The following WDR49 variants were observed in gnomAD, a reference collection of about 807,000 sequenced individuals.
The protein encoded by WDR49 is cilia- and flagella-associated protein 337.
In WDR49, 107 loss-of-function variants were observed where a neutral mutation model predicts 119.5. That is an observed-to-expected ratio of 0.90 (90% CI 0.77 to 1.05). The LOEUF (loss-of-function observed/expected upper bound fraction) is 1.05. WDR49 is among the 50% of genes least tolerant of loss of function. The pLI is 0.00. For synonymous variants in WDR49, 425 were observed against 418.8 expected, an observed-to-expected ratio of 1.01 and a Z score of -0.18; for missense variants, 1,240 against 1,220.5, an observed-to-expected ratio of 1.02 and a Z score of -0.24.
intron 10 of WDR49, among the ~76,000 whole-genome samples, chr3:167,538,324 A>G (rs1235323810): frequency 6.6e-6 from 1 of 152,088 alleles, no homozygotes; most frequent in East Asian, 1.9e-4. Flanking sequence ...GCAATTCCCA[A>G]ATATGGTTAA....
intron 2 of WDR49, among the ~76,000 whole-genome samples, chr3:167,630,866 C>A (rs1182913462): frequency 6.6e-6 from 1 of 152,062 alleles, no homozygotes; most frequent in Non-Finnish European, 1.5e-5. Context: ...CAATTAAATT[C>A]ATAGTCAACA....
At chr3:167,548,991 C>T (rs1463708627) in intron 10 of WDR49, among the ~76,000 whole-genome samples, 1 of 152,088 alleles carries the variant, frequency 6.6e-6, no homozygotes, top group African/African-American at 2.4e-5. Context: ...TGGTTTCCAG[C>T]TTCATCCATG....
At chr3:167,535,128 T>C (rs1456741714) in intron 11 of WDR49, among the ~76,000 whole-genome samples, 2 of 152,266 alleles carry the variant, frequency 1.3e-5, no homozygotes, top group African/African-American at 2.4e-5. Context: ...AACTTGCTCA[T>C]TATCAAGTTG....
chr3:167,491,296 A>G (rs6804270), intron 18 of WDR49, among the ~76,000 whole-genome samples: 23,345 of 152,102 alleles, frequency 0.15, 2,357 homozygotes, highest in African/African-American at 0.29. Context: ...GGCGATGCTG[A>G]ACTTTACCTC....
At chr3:167,539,712 G>A (rs1711670011) in intron 10 of WDR49, among the ~76,000 whole-genome samples, 1 of 152,002 alleles carries the variant, frequency 6.6e-6, no homozygotes, top group Non-Finnish European at 1.5e-5. Context: ...ACCTACTCAG[G>A]CAAGCCTTCC....
At chr3:167,568,583 G>T (rs1193041837) in intron 8 of WDR49, among the ~76,000 whole-genome samples, 1 of 151,984 alleles carries the variant, frequency 6.6e-6, no homozygotes, top group Non-Finnish European at 1.5e-5. Context: ...TATTGAAATG[G>T]CAAGCAACCA....
intron 2 of WDR49, among the ~76,000 whole-genome samples, chr3:167,642,711 T>A (rs1015684326): frequency 6.6e-6 from 1 of 151,932 alleles, no homozygotes; most frequent in African/African-American, 2.4e-5. Flanking sequence ...TAAATGGAAC[T>A]GGGGATCCCT....
chr3:167,594,784 A>G (rs1364619586), intron 7 of WDR49, among the ~76,000 whole-genome samples: 4 of 150,752 alleles, frequency 2.7e-5, no homozygotes, highest in Middle Eastern at 3.4e-3. Context: ...AAAAACTGGA[A>G]GCATTCCCTT....
intron 11 of WDR49, among the ~76,000 whole-genome samples, chr3:167,535,666 G>A (rs1431868491): frequency 6.6e-6 from 1 of 152,074 alleles, no homozygotes; most frequent in Admixed American, 6.6e-5. Flanking sequence ...AATTAGTATA[G>A]CCTTTATGGA....
intron 2 of WDR49, among the ~76,000 whole-genome samples, chr3:167,632,360 CT>C (rs759078555): frequency 2.0e-5 from 3 of 152,034 alleles, no homozygotes; most frequent in Non-Finnish European, 4.4e-5. Flanking sequence ...GAACTACATA[CT>C]TTTCTACACA....
intron 18 of WDR49, among the ~76,000 whole-genome samples, chr3:167,492,474 T>C (rs958497208): frequency 6.6e-6 from 1 of 152,094 alleles, no homozygotes; most frequent in African/African-American, 2.4e-5. Context: ...ATATAGAAAA[T>C]GTGGGGAATA....
At chr3:167,536,049 A>G (rs1170692836) in intron 11 of WDR49, among the ~76,000 whole-genome samples, 1 of 152,094 alleles carries the variant, frequency 6.6e-6, no homozygotes, top group East Asian at 1.9e-4. Context: ...ATAAAAGCAG[A>G]GTAGAACAGT....
At chr3:167,489,254 T>G (rs1296212330) in intron 18 of WDR49, among the ~76,000 whole-genome samples, 1 of 152,086 alleles carries the variant, frequency 6.6e-6, no homozygotes, top group African/African-American at 2.4e-5. Flanking sequence ...GTTGAATATA[T>G]GAGCACATGA....
At chr3:167,514,065 TA>T (rs935851957) in intron 16 of WDR49, among the ~76,000 whole-genome samples, 3 of 152,090 alleles carry the variant, frequency 2.0e-5, no homozygotes, top group African/African-American at 7.2e-5. Context: ...ACAGAAAGTG[TA>T]AAAGATATTC....
chr3:167,585,679 A>G (rs1038905423), intron 7 of WDR49, among the ~76,000 whole-genome samples: 4 of 151,906 alleles, frequency 2.6e-5, no homozygotes, highest in African/African-American at 9.7e-5. Flanking sequence ...ACTACCCTGT[A>G]TTTGTTCACA....
intron 18 of WDR49, among the ~76,000 whole-genome samples, chr3:167,499,405 T>C (rs1456590818): frequency 6.6e-6 from 1 of 152,206 alleles, no homozygotes; most frequent in Non-Finnish European, 1.5e-5. Context: ...TTTTTTCTGA[T>C]TGTTACAAGT....
chr3:167,500,172 C>T lies in WDR49; in HGVS notation c.3012G>A (p.Glu1004=), dbSNP rs13061106. 0.1 allele frequency: 157,819 copies of T among 1,571,546 alleles called. 10,834 individuals carry two copies. Among genetic ancestry groups the T allele is most frequent in the East Asian group, 0.38 (16,398 of 42,710 alleles). The change falls in exon 18 of 19, where the codon GAG becomes GAA. Residue 1004 remains glutamate, a synonymous_variant. Coordinates refer to ENST00000682715, the MANE Select transcript of WDR49 (RefSeq NM_001366157.1). ...ACTTACTTTTAAAAAGTGACGGGGC[C>T]TCCAGAATTTGGGGACGCTCTTCCT... ...EPEEERPQIL[E]APSLFKTLKA...
chr3:167,543,574 T>C (rs968957573), intron 10 of WDR49, among the ~76,000 whole-genome samples: 5 of 152,060 alleles, frequency 3.3e-5, no homozygotes, highest in Admixed American at 1.3e-4. Flanking sequence ...GAAAAGACAT[T>C]TGACAAAATC....
At chr3:167,629,157 TA>T (rs1717258027) in intron 2 of WDR49, among the ~76,000 whole-genome samples, 1 of 151,934 alleles carries the variant, frequency 6.6e-6, no homozygotes, top group African/African-American at 2.4e-5. Context: ...GAAGCTGAGG[TA>T]GGGGTGTCAC....
Sources: gnomAD v4.1 joint callset for allele counts (sites outside exome capture counted in the v4.1 genomes callset) on GRCh38, gnomAD v4.1.1 for gene constraint, MANE v1.5 for transcripts, NCBI Gene and HGNC (gene_info 2026-07-23, HGNC 2026-07-21) for gene names.